The following MAF variants were observed in gnomAD, a reference collection of about 807,000 sequenced individuals.
The protein encoded by MAF is MAF bZIP transcription factor.
MAF carries 10 observed loss-of-function variants against 22.0 expected under a neutral mutation model. The ratio of observed to expected loss-of-function variants is 0.45; its 90% confidence interval spans 0.28 to 0.77. The LOEUF is 0.77. Ranked by LOEUF, MAF falls within the 30% of genes least tolerant of loss-of-function variation. The pLI, the probability that MAF is intolerant of heterozygous loss-of-function variation, is 0.12. For missense variants in MAF, 544 were observed against 548.4 expected (o/e 0.99, Z 0.08); for synonymous variants, 337 against 255.8 (o/e 1.32, Z -3.03).
the MAF span, among the ~76,000 whole-genome samples, chr16:79,256,479 A>G: frequency 1.3e-5 from 2 of 152,180 alleles, no homozygotes; most frequent in African/African-American, 2.4e-5. Flanking sequence ...TCCTTGATCC[A>G]TGATTCAGTG....
the MAF span, among the ~76,000 whole-genome samples, chr16:79,383,137 A>T: frequency 6.6e-6 from 1 of 152,192 alleles, no homozygotes; most frequent in Non-Finnish European, 1.5e-5. Context: ...ACCATTGGAG[A>T]TATTGACATT....
chr16:79,505,138 C>T, the MAF span, among the ~76,000 whole-genome samples: 1 of 152,152 alleles, frequency 6.6e-6, no homozygotes, highest in Non-Finnish European at 1.5e-5. Flanking sequence ...CATTTTTAAA[C>T]TAAAAATTCC....
At chr16:79,453,629 A>T in the MAF span, among the ~76,000 whole-genome samples, 1 of 152,196 alleles carries the variant, frequency 6.6e-6, no homozygotes, top group African/African-American at 2.4e-5. Flanking sequence ...AAAATAATCA[A>T]TTTGCTATAT....
At chr16:79,412,132 A>G in the MAF span, among the ~76,000 whole-genome samples, 2 of 152,222 alleles carry the variant, frequency 1.3e-5, no homozygotes, top group Non-Finnish European at 2.9e-5. Context: ...CCAGGCCTTA[A>G]GATTCACAGG....
chr16:79,593,490 A>G (rs951022980), downstream of MAF, among the ~76,000 whole-genome samples: 7 of 152,200 alleles, frequency 4.6e-5, no homozygotes, highest in Non-Finnish European at 7.3e-5. Flanking sequence ...AGTAAAAATG[A>G]CTGGGGTAAA....
chr16:79,465,009 C>T, the MAF span, among the ~76,000 whole-genome samples: 1 of 152,174 alleles, frequency 6.6e-6, no homozygotes, highest in Non-Finnish European at 1.5e-5. Context: ...AGATGAACTT[C>T]TAGGTGGATA....
At chr16:79,557,628 C>T in the MAF span, among the ~76,000 whole-genome samples, 2 of 152,198 alleles carry the variant, frequency 1.3e-5, no homozygotes, top group South Asian at 4.1e-4. Flanking sequence ...AGCCAACCCT[C>T]AGAGTGTTGC....
At chr16:79,321,694 A>G in the MAF span, among the ~76,000 whole-genome samples, 2 of 123,040 alleles carry the variant, frequency 1.6e-5, no homozygotes, top group African/African-American at 6.3e-5. Context: ...TCTGTCACCC[A>G]GGCTGGAGTG....
chr16:79,295,005 G>A, the MAF span, among the ~76,000 whole-genome samples: 1 of 150,050 alleles, frequency 6.7e-6, no homozygotes, highest in Non-Finnish European at 1.5e-5. Flanking sequence ...CTTCCCCCTA[G>A]AGCAGGTTAC....
the MAF span, among the ~76,000 whole-genome samples, chr16:79,406,756 C>T: frequency 6.6e-6 from 1 of 152,190 alleles, no homozygotes; most frequent in East Asian, 1.9e-4. Flanking sequence ...CCTGTGTTTT[C>T]AACCGTAAAA....
the MAF span, among the ~76,000 whole-genome samples, chr16:79,530,663 G>A: frequency 3.3e-5 from 5 of 152,266 alleles, no homozygotes; most frequent in African/African-American, 4.8e-5. Flanking sequence ...TTGAAAGTAT[G>A]ACTGAGTGCT....
At chr16:79,360,465 G>T in the MAF span, among the ~76,000 whole-genome samples, 1 of 152,124 alleles carries the variant, frequency 6.6e-6, no homozygotes, top group African/African-American at 2.4e-5. Flanking sequence ...TGCCAGTGCC[G>T]TCTCTGAGCC....
the MAF span, among the ~76,000 whole-genome samples, chr16:79,382,352 T>C: frequency 6.6e-6 from 1 of 152,172 alleles, no homozygotes; most frequent in Non-Finnish European, 1.5e-5. Flanking sequence ...TATGCATAGG[T>C]TTTATATCAG....
At chr16:79,425,473 C>G in the MAF span, among the ~76,000 whole-genome samples, 2 of 152,208 alleles carry the variant, frequency 1.3e-5, no homozygotes, top group Non-Finnish European at 2.9e-5. Flanking sequence ...GGAGGTTTCT[C>G]TCTGTCTTGG....
chr16:79,374,958 A>G, the MAF span, among the ~76,000 whole-genome samples: 1 of 152,172 alleles, frequency 6.6e-6, no homozygotes, highest in Non-Finnish European at 1.5e-5. Flanking sequence ...TATGTGTTGT[A>G]TACATAAGCT....
At chr16:79,380,853 G>T in the MAF span, among the ~76,000 whole-genome samples, 1 of 152,316 alleles carries the variant, frequency 6.6e-6, no homozygotes, top group Non-Finnish European at 1.5e-5. Context: ...TTGTCTGTGG[G>T]GTGACCTCTT....
the MAF span, among the ~76,000 whole-genome samples, chr16:79,207,856 T>C: frequency 6.6e-6 from 1 of 152,158 alleles, no homozygotes; most frequent in Non-Finnish European, 1.5e-5. Context: ...GGAGTCAATA[T>C]GCATTTGTAT....
chr16:79,509,639 G>A, the MAF span, among the ~76,000 whole-genome samples: 1 of 152,242 alleles, frequency 6.6e-6, no homozygotes, highest in East Asian at 1.9e-4. Context: ...TATTGGCCAA[G>A]GCCTGCGTTA....
chr16:79,564,435 G>A, the MAF span, among the ~76,000 whole-genome samples: 2 of 152,222 alleles, frequency 1.3e-5, no homozygotes, highest in Non-Finnish European at 2.9e-5. Flanking sequence ...AGATAGGCAA[G>A]GGGGAAGTAG....
Sources: allele counts gnomAD v4.1 joint callset (sites outside exome capture counted in the v4.1 genomes callset), GRCh38; gene constraint gnomAD v4.1.1; transcripts MANE v1.5; gene names NCBI Gene and HGNC (gene_info 2026-07-23, HGNC 2026-07-21).